GRIA3: variants seen among roughly 807,000 people sequenced by gnomAD.
The protein encoded by GRIA3 is glutamate ionotropic receptor AMPA type subunit 3.
In GRIA3, 3 loss-of-function variants were observed where a neutral mutation model predicts 63.0. That is an observed-to-expected ratio of 0.05 (90% confidence interval 0.02 to 0.12). GRIA3 has a LOEUF of 0.12. GRIA3 is among the 10% of genes least tolerant of loss of function. The pLI, the probability that GRIA3 is intolerant of heterozygous loss-of-function variation, is 1.00. For synonymous variants in GRIA3, 274 were observed against 257.9 expected (o/e 1.06, Z -0.60); for missense variants, 347 against 700.9 (o/e 0.50, Z 5.70).
intron 4 of GRIA3, among the ~76,000 whole-genome samples, chrX:123,354,028 A>T (rs958977215): frequency 8.9e-6 from 1 of 112,240 alleles, no homozygotes. Flanking sequence ...GTACTTCGTG[A>T]ACTGTACAAA....
At chrX:123,320,641 G>A (rs984292925) in intron 3 of GRIA3, among the ~76,000 whole-genome samples, 5 of 111,860 alleles carry the variant, frequency 4.5e-5, no homozygotes, top group Non-Finnish European at 7.5e-5. Flanking sequence ...ACACCAAAAT[G>A]TTGCTAAGCG....
chrX:123,265,196 A>G (rs775678309), intron 3 of GRIA3, among the ~76,000 whole-genome samples: 6 of 111,935 alleles, frequency 5.4e-5, no homozygotes, highest in African/African-American at 9.7e-5. Context: ...TTTTGATTCT[A>G]AAATTCTGTG....
At chrX:123,286,558 C>T (rs769383210) in intron 3 of GRIA3, among the ~76,000 whole-genome samples, 1 of 111,464 alleles carries the variant, frequency 9.0e-6, no homozygotes, top group East Asian at 2.8e-4. Context: ...ATCAAATAGA[C>T]ACAATAAAAA....
intron 10 of GRIA3, among the ~76,000 whole-genome samples, chrX:123,412,087 C>A (rs1160459235): frequency 8.9e-6 from 1 of 112,070 alleles, no homozygotes; most frequent in Admixed American, 9.4e-5. Context: ...TGAGGACTTA[C>A]CTTTTTCAGT....
intron 12 of GRIA3, among the ~76,000 whole-genome samples, chrX:123,461,758 T>C (rs142663803): frequency 6.7e-4 from 74 of 110,995 alleles, no homozygotes; most frequent in African/African-American, 2.1e-3. Flanking sequence ...GGAAGCAAGA[T>C]AGTCTAGACA....
intron 12 of GRIA3, among the ~76,000 whole-genome samples, chrX:123,451,179 T>G (rs57750081): frequency 0.041 from 4,493 of 110,538 alleles, 230 homozygotes; most frequent in African/African-American, 0.14. Flanking sequence ...AGGGCAAAAG[T>G]TGAGAAGCAG....
chrX:123,377,451 C>T (rs1248459418), intron 5 of GRIA3, among the ~76,000 whole-genome samples: 1 of 111,716 alleles, frequency 9.0e-6, no homozygotes, highest in Non-Finnish European at 1.9e-5. Context: ...CAATTCCCTC[C>T]CATTAGTTGT....
chrX:123,424,812 G>T (rs1320525744), intron 11 of GRIA3, among the ~76,000 whole-genome samples: 1 of 111,757 alleles, frequency 8.9e-6, no homozygotes, highest in Non-Finnish European at 1.9e-5. Context: ...TGATGTGCAG[G>T]CTTGATTTTA....
At chrX:123,447,945 A>G (rs2045711619) in intron 12 of GRIA3, among the ~76,000 whole-genome samples, 1 of 111,616 alleles carries the variant, frequency 9.0e-6, no homozygotes, top group Non-Finnish European at 1.9e-5. Flanking sequence ...CTGGCTGCTC[A>G]CTCCTTTTGG....
At chrX:123,437,440 T>C (rs2045651109) in intron 12 of GRIA3, among the ~76,000 whole-genome samples, 1 of 110,528 alleles carries the variant, frequency 9.0e-6, no homozygotes, top group African/African-American at 3.3e-5. Flanking sequence ...ATTAAGGAGG[T>C]AACATTTTAT....
At chrX:123,377,139 T>A (rs2045291508) in intron 5 of GRIA3, among the ~76,000 whole-genome samples, 1 of 110,157 alleles carries the variant, frequency 9.1e-6, no homozygotes, top group Non-Finnish European at 1.9e-5. Context: ...GGTTTCACCG[T>A]GTTAGCCAGG....
At position 123,394,990 on chromosome X, in the gene GRIA3, A is replaced by G. The variant is rs775057903; in HGVS notation, c.773A>G (p.Glu258Gly). Residue 258 changes from glutamate to glycine, a missense_variant, in exon 6 of 16, where the codon GAA (glutamate) becomes GGA (glycine). Physicochemically the swap from Glu to Gly is moderately conservative, Grantham distance 98. Around this residue, in one of 8 missense-constraint regions of GRIA3, gnomAD observed 113 missense variants for 130.6 expected, o/e 0.87. Coordinates refer to ENST00000620443, the MANE Select transcript of GRIA3 (RefSeq NM_007325.5). ...CAGGGTTTTACTGATATTTTACTGG[A>G]AAGAGTCATGCATGGGGGAGCCAAC... ...ANLGFTDILLERVMHGGANIT... is the reference protein window; with the variant it reads ...ANLGFTDILLGRVMHGGANIT... 2.5e-6 allele frequency: 3 copies of G among 1,195,432 alleles called. No homozygotes were observed. The highest frequency in any genetic ancestry group is 2.3e-6 in the Non-Finnish European group (2 of 880,601).
chrX:123,194,046 A>C, intron 2 of GRIA3, among the ~76,000 whole-genome samples: 1 of 111,305 alleles, frequency 9.0e-6, no homozygotes, highest in South Asian at 3.9e-4. Flanking sequence ...TACTTTATTC[A>C]CTAAGATTTT....
intron 5 of GRIA3, among the ~76,000 whole-genome samples, chrX:123,381,696 T>C (rs1282011118): frequency 1.8e-5 from 2 of 111,732 alleles, no homozygotes; most frequent in Admixed American, 1.9e-4. Flanking sequence ...GTGGAGAGAA[T>C]CAGTCTTTAA....
Position 123,190,288 on chromosome X carries a change from C to T in GRIA3, c.268+4298C>T, listed in dbSNP as rs73549531. Among the ~76,000 whole-genome samples the T allele has an allele frequency of 8.6e-3, 958 of 111,372 alleles. 12 individuals carry two copies. The highest frequency in any genetic ancestry group is 0.029 in the African/African-American group (891 of 30,592). ...GTGCCTTTGCTGCTCTCCCTCTCTCCTCTGTCTGCTGGCCAGCCTTCAGTA... is the reference window on the plus strand; with the variant it reads ...GTGCCTTTGCTGCTCTCCCTCTCTCTTCTGTCTGCTGGCCAGCCTTCAGTA... On this transcript the variant is annotated intron_variant, in intron 2 of 15. Coordinates refer to ENST00000620443, the MANE Select transcript of GRIA3 (RefSeq NM_007325.5).
intron 2 of GRIA3, among the ~76,000 whole-genome samples, chrX:123,189,567 C>T (rs1364995750): frequency 1.8e-5 from 2 of 112,774 alleles, no homozygotes; most frequent in Admixed American, 9.3e-5. Context: ...CATATTCCCT[C>T]TCCGCACTGT....
In GRIA3 at chrX:123,355,009, G is replaced by T. The variant is rs766783257; in HGVS notation, c.750+46G>T. The T allele has an allele frequency of 5.6e-5, 53 of 946,701 alleles. 1 individual carries two copies. The South Asian group carries it at 1.0e-3, about 18-fold the overall frequency. The allele number at this position is 946,701 out of a possible 1,213,427, so 78.0% of individuals were successfully genotyped here. On this transcript the variant is annotated intron_variant, in intron 5 of 15. Transcript: ENST00000620443. ...CTGGGCAATATATCCTATTTAGTTTGAATTTTTCTGTAATCATCCAAAAAG... is the reference window on the plus strand; with the variant it reads ...CTGGGCAATATATCCTATTTAGTTTTAATTTTTCTGTAATCATCCAAAAAG...
intron 9 of GRIA3, among the ~76,000 whole-genome samples, chrX:123,404,045 C>T (rs1220964296): frequency 8.9e-6 from 1 of 111,988 alleles, no homozygotes; most frequent in Non-Finnish European, 1.9e-5. Flanking sequence ...ACTCAAAGCA[C>T]TTAAAATGTG....
intron 5 of GRIA3, among the ~76,000 whole-genome samples, chrX:123,370,334 T>C (rs1183106104): frequency 3.6e-5 from 4 of 111,423 alleles, no homozygotes; most frequent in Middle Eastern, 4.7e-3. Context: ...GTTGGGAGAC[T>C]CTAATCTCAG....
Sources: gnomAD v4.1 joint callset for allele counts (sites outside exome capture counted in the v4.1 genomes callset) on GRCh38, gnomAD v4.1.1 for gene constraint, gnomAD v4.1.1 regional missense constraint, MANE v1.5 for transcripts, NCBI Gene and HGNC (gene_info 2026-07-23, HGNC 2026-07-21) for gene names.